CNTNAP4: variants seen among roughly 807,000 people sequenced by gnomAD.
CNTNAP4 encodes contactin-associated protein-like 4.
Under a neutral mutation model 148.4 loss-of-function variants are expected in CNTNAP4, and 98 were observed. The observed-to-expected ratio is 0.66, with a 90% CI of 0.56 to 0.78. The LOEUF is 0.78. Ranked by LOEUF, CNTNAP4 falls within the 30% of genes least tolerant of loss-of-function variation. The probability of loss-of-function intolerance (pLI) is 0.00; values close to 1 mark genes in which losing one functional copy is unlikely to be tolerated. For synonymous variants in CNTNAP4, 730 were observed against 565.1 expected, an observed-to-expected ratio of 1.29 and a Z score of -4.14; for missense variants, 1,935 against 1,565.6, an observed-to-expected ratio of 1.24 and a Z score of -3.98.
intron 12 of CNTNAP4, among the ~76,000 whole-genome samples, chr16:76,486,500 C>G (rs1177631058): frequency 1.3e-5 from 2 of 151,740 alleles, no homozygotes; most frequent in South Asian, 2.1e-4. Context: ...TGCTTGTCTA[C>G]AGACAAGACA....
At chr16:76,468,693 G>T (rs949375679) in intron 10 of CNTNAP4, among the ~76,000 whole-genome samples, 6 of 151,846 alleles carry the variant, frequency 4.0e-5, no homozygotes, top group Non-Finnish European at 8.8e-5. Context: ...GCCATGTTCA[G>T]GTTGTTATGC....
rs78766189 is a variant in CNTNAP4 at position 76,425,255 on chromosome 16, G to A, written c.391-2197G>A. Reference sequence around the variant, plus strand: ...TTCTGGCCTTATATGTTTGAGATGCGCTAGGTAAGTGTCCCTGCCATGGGT... The same window carrying A: ...TTCTGGCCTTATATGTTTGAGATGCACTAGGTAAGTGTCCCTGCCATGGGT... On this transcript the variant is annotated intron_variant, in intron 3 of 23. Coordinates refer to ENST00000611870, the MANE Select transcript of CNTNAP4 (RefSeq NM_033401.5). Among the ~76,000 whole-genome samples, 31 of 152,244 alleles carry A rather than the reference G, an allele frequency of 2.0e-4. No homozygotes were observed. In the East Asian group the frequency reaches 5.6e-3, roughly 28 times the overall value.
At chr16:76,299,401 T>C (rs978791539) in intron 1 of CNTNAP4, among the ~76,000 whole-genome samples, 17 of 152,224 alleles carry the variant, frequency 1.1e-4, no homozygotes, top group African/African-American at 4.1e-4. Context: ...AAAATGCTCA[T>C]CATCACTGGC....
chr16:76,481,768 C>T (rs1348493240), intron 12 of CNTNAP4, among the ~76,000 whole-genome samples: 2 of 152,042 alleles, frequency 1.3e-5, no homozygotes, highest in East Asian at 1.9e-4. Context: ...ACATATCTTT[C>T]GGGCAGAGGA....
intron 23 of CNTNAP4, among the ~76,000 whole-genome samples, chr16:76,557,156 C>A (rs959435201): frequency 1.3e-5 from 2 of 152,190 alleles, no homozygotes; most frequent in Non-Finnish European, 2.9e-5. Context: ...GCAACTCTCA[C>A]ACTCTTGGCG....
At chr16:76,306,412 A>G (rs189646292) in intron 1 of CNTNAP4, among the ~76,000 whole-genome samples, 14 of 152,238 alleles carry the variant, frequency 9.2e-5, no homozygotes, top group East Asian at 5.8e-4. Context: ...CGACTCCCCA[A>G]TCTCTACAAA....
intron 3 of CNTNAP4, among the ~76,000 whole-genome samples, chr16:76,378,178 A>C (rs886803614): frequency 2.0e-5 from 3 of 152,224 alleles, no homozygotes; most frequent in Admixed American, 2.0e-4. Flanking sequence ...CCTATGGGAT[A>C]CAATGTACAC....
chr16:76,334,621 T>C (rs993390715), intron 2 of CNTNAP4, among the ~76,000 whole-genome samples: 5 of 152,198 alleles, frequency 3.3e-5, no homozygotes, highest in Non-Finnish European at 7.3e-5. Context: ...GAACTACATA[T>C]GTACAAAGTT....
intron 21 of CNTNAP4, among the ~76,000 whole-genome samples, chr16:76,542,070 A>G (rs891233679): frequency 2.0e-5 from 3 of 152,240 alleles, no homozygotes; most frequent in Non-Finnish European, 4.4e-5. Flanking sequence ...CCTCTGATGT[A>G]TAATTAACAG....
At chr16:76,485,275 G>C (rs545265285) in intron 12 of CNTNAP4, among the ~76,000 whole-genome samples, 1 of 151,906 alleles carries the variant, frequency 6.6e-6, no homozygotes, top group African/African-American at 2.4e-5. Context: ...GCACCACCAC[G>C]CCCAGCCAAT....
chr16:76,456,429 A>T (rs1263265000), intron 8 of CNTNAP4, among the ~76,000 whole-genome samples: 1 of 152,258 alleles, frequency 6.6e-6, no homozygotes, highest in Non-Finnish European at 1.5e-5. Flanking sequence ...TAAATACAGA[A>T]CAAAACAGTT....
intron 6 of CNTNAP4, among the ~76,000 whole-genome samples, chr16:76,449,241 T>C (rs2080364903): frequency 6.6e-6 from 1 of 152,168 alleles, no homozygotes; most frequent in Admixed American, 6.5e-5. Context: ...AAAAAAATCT[T>C]ATTACCACAA....
At chr16:76,533,213 A>G (rs2084062154) in intron 17 of CNTNAP4, among the ~76,000 whole-genome samples, 1 of 152,204 alleles carries the variant, frequency 6.6e-6, no homozygotes. Flanking sequence ...GAAGGGCATT[A>G]TGTTTAGTGA....
At chr16:76,375,653 G>C (rs2015338458) in intron 3 of CNTNAP4, among the ~76,000 whole-genome samples, 1 of 152,136 alleles carries the variant, frequency 6.6e-6, no homozygotes, top group South Asian at 2.1e-4. Context: ...CATCAGAAGT[G>C]TAGTAAATGT....
intron 12 of CNTNAP4, among the ~76,000 whole-genome samples, chr16:76,484,422 G>C (rs549238579): frequency 6.6e-6 from 1 of 152,096 alleles, no homozygotes; most frequent in East Asian, 1.9e-4. Flanking sequence ...CAGAAACACA[G>C]ATACCCAGAG....
chr16:76,461,482 A>T (rs1026303921), intron 8 of CNTNAP4, among the ~76,000 whole-genome samples: 3 of 152,194 alleles, frequency 2.0e-5, no homozygotes, highest in Admixed American at 2.0e-4. Flanking sequence ...ATTTAACTTT[A>T]TACCTGTAAA....
intron 4 of CNTNAP4, among the ~76,000 whole-genome samples, chr16:76,436,905 G>A (rs548361517): frequency 2.6e-5 from 4 of 152,078 alleles, no homozygotes; most frequent in Admixed American, 2.6e-4. Flanking sequence ...TGTTCCTGTA[G>A]AACCACTCCT....
chr16:76,433,931 C>G (rs1442170691), intron 4 of CNTNAP4, among the ~76,000 whole-genome samples: 1 of 151,860 alleles, frequency 6.6e-6, no homozygotes, highest in African/African-American at 2.4e-5. Flanking sequence ...AGTATAAATT[C>G]TCTAATTCTT....
chr16:76,283,408 C>T (rs1958764148), intron 1 of CNTNAP4, among the ~76,000 whole-genome samples: 1 of 151,930 alleles, frequency 6.6e-6, no homozygotes, highest in African/African-American at 2.4e-5. Context: ...TGGAATCAAC[C>T]TAAGTGCCCA....
Sources: gnomAD v4.1 joint callset for allele counts (sites outside exome capture counted in the v4.1 genomes callset) on GRCh38, gnomAD v4.1.1 for gene constraint, MANE v1.5 for transcripts, NCBI Gene and HGNC (gene_info 2026-07-23, HGNC 2026-07-21) for gene names.